Variants in CIC observed in about 807,000 individuals in gnomAD.
The protein encoded by CIC is protein capicua homolog.
In CIC, 18 loss-of-function variants were observed where a neutral mutation model predicts 115.7. The observed-to-expected ratio is 0.16, with a 90% CI of 0.11 to 0.23. The LOEUF (loss-of-function observed/expected upper bound fraction) is 0.23, where lower values mean the gene tolerates loss of function less well. CIC is among the 10% of genes least tolerant of loss of function. The pLI, the probability that CIC is intolerant of heterozygous loss-of-function variation, is 1.00. For synonymous variants in CIC, 1,076 were observed against 923.0 expected, an observed-to-expected ratio of 1.17 and a Z score of -3.01; for missense variants, 2,000 against 2,159.3, an observed-to-expected ratio of 0.93 and a Z score of 1.46.
chr19:42,276,674 C>T (rs751979272), intron 2 of CIC, among the ~76,000 whole-genome samples: 1 of 152,148 alleles, frequency 6.6e-6, no homozygotes, highest in Non-Finnish European at 1.5e-5. Context: ...ATAGGTGGTA[C>T]AAGCAAAATT....
chr19:42,274,253 T>C lies in CIC; in HGVS notation c.2470T>C (p.Phe824Leu), dbSNP rs2036886356. 5.0e-6 allele frequency: 2 copies of C among 398,536 alleles called. No homozygotes were observed. The highest frequency in any genetic ancestry group is 2.5e-4 in the South Asian group (2 of 7,880). 24.7% of individuals were successfully genotyped at this position (398,536 alleles called of 1,614,324 possible). ...CCCTGATGTGCCACTGCCCTCCAAA[T>C]TCCCTGGGGAGGTGGGCACTGCTGG... ...RNPDVPLPSK[F>L]PGEVGTAGEV... The change falls in exon 2 of 21, where the codon TTC becomes CTC. Residue 824 changes from phenylalanine (F) to leucine (L), a missense_variant. This residue lies in a region of CIC where 222 missense variants were observed against 247.7 expected (regional missense o/e 0.90). Transcript: ENST00000681038.
intron 12 of CIC, 112 bp from the exon 13 acceptor site, chr19:42,291,974 C>CTGTTGCT: frequency 1.3e-6 from 2 of 1,518,808 alleles, no homozygotes; most frequent in Non-Finnish European, 1.8e-6. Context: ...TGTTCTCACC[C>CTGTTGCT]CAAGTTCTGT....
intron 2 of CIC, among the ~76,000 whole-genome samples, chr19:42,275,173 G>A (rs901553525): frequency 7.9e-5 from 12 of 152,038 alleles, no homozygotes; most frequent in Admixed American, 2.0e-4. Context: ...AGGCTGGCCC[G>A]TGACCACGTG....
At position 42,291,325 on chromosome 19, in the gene CIC, C is replaced by T. The variant is rs759685991; in HGVS notation, c.5284C>T (p.Pro1762Ser). The T allele has an allele frequency of 4.3e-6, 7 of 1,612,774 alleles. No individual in the cohort carries two copies. Among genetic ancestry groups the T allele is most frequent in the South Asian group, 1.1e-5 (1 of 91,080 alleles). The change falls in exon 11 of 21, where the codon CCC becomes TCC. Residue 1762 changes from proline to serine, a missense_variant. Pro to Ser is a moderately conservative substitution (Grantham distance 74, BLOSUM62 -1). Coordinates refer to ENST00000681038, the MANE Select transcript of CIC (RefSeq NM_001386298.1). The stretch of plus-strand genomic sequence containing the variant: ...AGCCCCTGGGACCAAGGCAGCGGCT[C>T]CCAGCGGCCCTGCACCCACCACCAG... Reference protein sequence around the residue: ...APAPGTKAAAPSGPAPTTSIR... With the variant: ...APAPGTKAAASSGPAPTTSIR...
Position 42,272,016 on chromosome 19 carries a change from T to C in CIC, c.233T>C (p.Leu78Pro). 5.0e-6 allele frequency: 2 copies of C among 398,996 alleles called. No homozygotes were observed. The highest frequency in any genetic ancestry group is 4.4e-6 in the Non-Finnish European group (1 of 226,320). 24.7% of individuals were successfully genotyped at this position (398,996 alleles called of 1,614,324 possible). A position where few individuals can be genotyped will look rare whatever the true frequency, so the allele number is the denominator to read the frequency against. ...GGCCCTGGGGCTGAAGGTCCTCCAC[T>C]GGAGCTGCACCCTGGCGACCCGGCT... ...ERGPGAEGPP[L>P]ELHPGDPAPG... The change falls in exon 2 of 21, where the codon CTG (leucine) becomes CCG (proline). Residue 78 changes from leucine (L) to proline (P), a missense_variant. This residue lies in a region of CIC where 222 missense variants were observed against 247.7 expected (regional missense o/e 0.90). Coordinates refer to ENST00000681038, the MANE Select transcript of CIC (RefSeq NM_001386298.1).
In CIC at chr19:42,287,084, G is replaced by T. The variant is rs753342967; in HGVS notation, c.3023G>T (p.Gly1008Val). Residue 1008 changes from glycine to valine, a missense_variant, in exon 4 of 21, where the codon GGA (glycine) becomes GTA (valine). Transcript: ENST00000681038. This position sits in a 1 kb window ranked among gnomAD's most constrained non-coding sequence, Gnocchi z 8.7. ...AGTGCTGACCCTGAGCGGCCCCCTG[G>T]AGCCACATGCCCTGAGAGCCCAGGA... ...TGSADPERPP[G>V]ATCPESPGPG... The T allele has an allele frequency of 1.9e-6, 3 of 1,613,290 alleles. No individual in the cohort carries two copies. In the Admixed American group the frequency reaches 5.0e-5, roughly 27 times the overall value.
intron 15 of CIC, 29 bp downstream of exon 15, chr19:42,292,888 T>G (rs768400678): frequency 1.5e-5 from 24 of 1,612,814 alleles, no homozygotes; most frequent in Non-Finnish European, 2.0e-5. Context: ...CAGAGCAGAG[T>G]GAGTTGGGGG....
chr19:42,287,492 C>T lies in CIC; in HGVS notation c.3309+43C>T, dbSNP rs189233154. The T allele has an allele frequency of 5.6e-6, 9 of 1,612,254 alleles. No individual in the cohort carries two copies. The African/African-American group carries it at 6.7e-5, about 12-fold the overall frequency. On this transcript the variant is annotated intron_variant, in intron 5 of 20. Transcript: ENST00000681038. This position sits in a 1 kb window ranked among gnomAD's most constrained non-coding sequence, Gnocchi z 8.7. ...GTCCTGTGCTCACCCCGTGGCCACC[C>T]ACACCTGTCTGCCAGGTCCTAACTG...
intron 2 of CIC, among the ~76,000 whole-genome samples, chr19:42,286,453 C>T (rs1252252618): frequency 1.3e-5 from 2 of 151,836 alleles, no homozygotes; most frequent in Admixed American, 1.3e-4. Flanking sequence ...CCAAGCATGA[C>T]CTGGTTTGTG....
rs1052023 is a variant in CIC at position 42,294,897 on chromosome 19, C to T, written c.7260C>T (p.Ile2420=). 537,013 of 1,600,364 alleles carry T rather than the reference C, an allele frequency of 0.34. 102,108 individuals carry two copies. The highest frequency in any genetic ancestry group is 0.39 in the Non-Finnish European group (465,077 of 1,179,852). ...CCAAGGTTTGTCTGCAGTTGAAGATCCGTGAGGTGCGCCAGAAGATCATGC... is the reference window on the plus strand; with the variant it reads ...CCAAGGTTTGTCTGCAGTTGAAGATTCGTGAGGTGCGCCAGAAGATCATGC... ...FPSKVCLQLK[I]REVRQKIMQA... Residue 2420 remains isoleucine, a synonymous_variant, in exon 21 of 21, where the codon ATC becomes ATT. Transcript: ENST00000681038.
rs2038225155 is a variant in CIC, at chr19:42,292,686, G to T, written c.6023G>T (p.Ser2008Ile). The T allele has an allele frequency of 6.2e-7, 1 of 1,613,700 alleles. No homozygotes were observed. Among genetic ancestry groups the T allele is most frequent in the Non-Finnish European group, 8.5e-7 (1 of 1,179,966 alleles). ...GPVITAFYSG[S>I]PAPTSSAPLA... ...GTCATAACAGCATTTTACTCTGGCA[G>T]CCCTGCACCCACCTCCTCAGCACCC... The change falls in exon 15 of 21, where the codon AGC (serine) becomes ATC (isoleucine). Residue 2008 changes from serine (S) to isoleucine (I), a missense_variant. Physicochemically the swap from Ser to Ile is moderately radical, Grantham distance 142. Around this residue, in one of 8 missense-constraint regions of CIC, gnomAD observed 1,466 missense variants for 1,390.4 expected, o/e 1.05. Coordinates refer to ENST00000681038, the MANE Select transcript of CIC (RefSeq NM_001386298.1).
chr19:42,274,519 C>G lies in CIC; in HGVS notation c.2736C>G (p.Ser912Arg), dbSNP rs1228995817. The G allele has an allele frequency of 5.0e-6, 2 of 398,962 alleles. No homozygotes were observed. The highest frequency in any genetic ancestry group is 8.8e-6 in the Non-Finnish European group (2 of 226,290). 24.7% of individuals were successfully genotyped at this position (398,962 alleles called of 1,614,324 possible). ...CCCTGTTGCCCGTTTTGGTGCCCAG[C>G]AGCTATACCAGCCACCCTGCCCCCA... The part of the protein sequence containing the change: ...PAALLPVLVP[S>R]SYTSHPAPKK... The change falls in exon 2 of 21, where the codon AGC (serine) becomes AGG (arginine). Residue 912 changes from serine to arginine, a missense_variant. Transcript: ENST00000681038.
rs2038003599 is a variant in CIC at position 42,290,478 on chromosome 19, C to T, written c.4437C>T (p.Pro1479=). The T allele has an allele frequency of 6.2e-7, 1 of 1,613,822 alleles. No homozygotes were observed. The highest frequency in any genetic ancestry group is 1.3e-5 in the African/African-American group (1 of 75,008). The change falls in exon 11 of 21, where the codon CCC becomes CCT. Residue 1479 remains proline, a synonymous_variant. Coordinates refer to ENST00000681038, the MANE Select transcript of CIC (RefSeq NM_001386298.1). ...CTGGTCAGGGCAGCACAGCGGGCCC[C>T]CTACGGCCCCCACCCCCTGGGGCTG... ...QESGQGSTAG[P]LRPPPPGAGG...
intron 2 of CIC, among the ~76,000 whole-genome samples, chr19:42,286,002 A>G (rs1262555510): frequency 6.6e-6 from 1 of 152,196 alleles, no homozygotes; most frequent in Non-Finnish European, 1.5e-5. Context: ...CAAGGAGTTT[A>G]CCACACCCTC....
At position 42,273,991 on chromosome 19, in the gene CIC, C is replaced by T. The variant is rs2036875640; in HGVS notation, c.2208C>T (p.Ala736=). The T allele has an allele frequency of 2.5e-6, 1 of 398,886 alleles. No homozygotes were observed. Among genetic ancestry groups the T allele is most frequent in the Non-Finnish European group, 4.4e-6 (1 of 226,262 alleles). The allele number at this position is 398,886 out of a possible 1,614,324, so 24.7% of individuals were successfully genotyped here. ...GAPGAGGGGA[A]PDFPKSDSLD... Reference sequence around the variant, plus strand: ...CTGGCGCAGGGGGTGGAGGAGCCGCCCCAGACTTTCCCAAGAGTGACAGCT... The same window carrying T: ...CTGGCGCAGGGGGTGGAGGAGCCGCTCCAGACTTTCCCAAGAGTGACAGCT... Residue 736 remains alanine, a synonymous_variant, in exon 2 of 21, where the codon GCC becomes GCT. Coordinates refer to ENST00000681038, the MANE Select transcript of CIC (RefSeq NM_001386298.1).
chr19:42,269,281 AGG>A lies in CIC; in HGVS notation c.-109_-108del, dbSNP rs931372350. On this transcript the variant is annotated 5_prime_UTR_variant, in exon 1 of 21. Transcript: ENST00000681038. ...TTTTGTGTGTTGGAGTAAAAAAAAA[AGG>A]GAGAATCGAGAGGGAGAGCCGGAGG... is the stretch of plus-strand genomic sequence containing the variant. 7.0e-6 allele frequency: 1 copy of A among 142,156 alleles called. No homozygotes were observed. The highest frequency in any genetic ancestry group is 1.5e-5 in the Non-Finnish European group (1 of 64,888). The allele number at this position is 142,156 out of a possible 1,614,324, so 8.8% of individuals were successfully genotyped here.
upstream of CIC, among the ~76,000 whole-genome samples, chr19:42,268,786 C>A (rs1480429044): frequency 6.6e-6 from 1 of 152,268 alleles, no homozygotes; most frequent in African/African-American, 2.4e-5. Flanking sequence ...CCAGCAGGAA[C>A]TGCGACTAGC....
chr19:42,292,155 C>G lies in CIC; in HGVS notation c.5683C>G (p.Leu1895Val), dbSNP rs143825601. 6.7e-4 allele frequency: 1,082 copies of G among 1,613,982 alleles called. No homozygotes were observed. Among genetic ancestry groups the G allele is most frequent in the Non-Finnish European group, 8.2e-4 (962 of 1,180,012 alleles). ...GGTGCCGCCCCTGAGCCCAGCCACA[C>G]TCCCTGGACCCACCTCTCAGCCTCA... ...GLVPPLSPAT[L>V]PGPTSQPQKV... is the part of the protein sequence containing the mutation. Residue 1895 changes from leucine to valine, a missense_variant, in exon 13 of 21, where the codon CTC becomes GTC. Transcript: ENST00000681038.
chr19:42,272,865 C>T lies in CIC; in HGVS notation c.1082C>T (p.Ala361Val), dbSNP rs2036839527. The change falls in exon 2 of 21, where the codon GCA becomes GTA. Residue 361 changes from alanine to valine, a missense_variant. By Grantham distance (64) the Ala-to-Val change is moderately conservative. Transcript: ENST00000681038. ...CCTACAGGCCCTGAGGAAGAGCAGG[C>T]AGAGCCTGGGGCCACCCTGCCACCC... ...KPPTGPEEEQ[A>V]EPGATLPPCP... 2.5e-6 allele frequency: 1 copy of T among 399,290 alleles called. No homozygotes were observed. Among genetic ancestry groups the T allele is most frequent in the Non-Finnish European group, 4.4e-6 (1 of 226,606 alleles). The allele number at this position is 399,290 out of a possible 1,614,324, so 24.7% of individuals were successfully genotyped here. A position where few individuals can be genotyped will look rare whatever the true frequency, so the allele number is the denominator to read the frequency against.
Sources: allele counts gnomAD v4.1 joint callset (sites outside exome capture counted in the v4.1 genomes callset), GRCh38; gene constraint gnomAD v4.1.1; regional missense constraint gnomAD v4.1.1; non-coding constraint Gnocchi (gnomAD v3.1); transcripts MANE v1.5; gene names NCBI Gene and HGNC (gene_info 2026-07-23, HGNC 2026-07-21).